Variants in STKLD1 observed in about 807,000 individuals in gnomAD.
STKLD1 encodes serine/threonine kinase like domain containing 1.
A neutral mutation model predicts 80.4 loss-of-function variants in STKLD1; 79 were observed. The ratio of observed to expected loss-of-function variants is 0.98; its 90% CI spans 0.82 to 1.19. The LOEUF (loss-of-function observed/expected upper bound fraction) is 1.19, where lower values mean the gene tolerates loss of function less well. STKLD1 is among the 50% of genes most tolerant of loss of function. The pLI is 0.00. For missense variants in STKLD1, 841 were observed against 856.0 expected, an observed-to-expected ratio of 0.98 and a Z score of 0.22; for synonymous variants, 393 against 357.6, an observed-to-expected ratio of 1.10 and a Z score of -1.12.
At chr9:133,392,944 A>G (rs1383031146) in intron 7 of STKLD1, among the ~76,000 whole-genome samples, 14 of 114,670 alleles carry the variant, frequency 1.2e-4, no homozygotes, top group South Asian at 3.3e-4. Context: ...GGATGGATAG[A>G]TGGGTGGATG....
chr9:133,404,690 GC>G, intron 16 of STKLD1, 98 bp from the exon 17 acceptor site: 2 of 1,499,100 alleles, frequency 1.3e-6, no homozygotes, highest in Non-Finnish European at 1.8e-6. Context: ...CCTGTCCCAG[GC>G]CCCTGTGTGA....
At chr9:133,404,984 C>T (rs1041783075) in intron 17 of STKLD1, 55 bp downstream of exon 17, 11 of 1,588,932 alleles carry the variant, frequency 6.9e-6, no homozygotes, top group African/African-American at 4.1e-5. Context: ...AGGGGTGCCC[C>T]GCTCCCCCTA....
chr9:133,379,481 G>T (rs1231996511), intron 2 of STKLD1, among the ~76,000 whole-genome samples: 2 of 152,238 alleles, frequency 1.3e-5, no homozygotes, highest in South Asian at 2.1e-4. Flanking sequence ...ACTAGGCAAG[G>T]TCACACAATT....
chr9:133,392,344 G>A lies in STKLD1; in HGVS notation c.583+1548G>A, dbSNP rs369334573. Among the ~76,000 whole-genome samples, 50 of 152,098 alleles carry A rather than the reference G, an allele frequency of 3.3e-4. No homozygotes were observed. In the South Asian group the frequency reaches 9.5e-3, roughly 29 times the overall value. On this transcript the variant is annotated intron_variant, in intron 7 of 17. Coordinates refer to ENST00000371957, the MANE Select transcript of STKLD1 (RefSeq NM_153710.5). Reference sequence around the variant, plus strand: ...GGCCTCCCAAAGTGCTGGGATTACAGGCGTGAACCACCGCACCCGGCCACA... The same window carrying A: ...GGCCTCCCAAAGTGCTGGGATTACAAGCGTGAACCACCGCACCCGGCCACA...
Position 133,397,247 on chromosome 9 carries a change from C to A in STKLD1, c.950C>A (p.Ala317Glu), listed in dbSNP as rs377178189. ...SLTLHRQMVP[A>E]SITDMLLEGN... ...ACCCTGCACCGGCAGATGGTGCCTG[C>A]GTCCATCACCGACATGCTGTTAGAA... The change falls in exon 10 of 18, where the codon GCG (alanine) becomes GAG (glutamate). Residue 317 changes from alanine to glutamate, a missense_variant. Ala to Glu is a moderately radical substitution (Grantham distance 107). Coordinates refer to ENST00000371957, the MANE Select transcript of STKLD1 (RefSeq NM_153710.5). 1 of 1,613,726 alleles carries A rather than the reference C, an allele frequency of 6.2e-7. No individual in the cohort carries two copies. The highest frequency in any genetic ancestry group is 2.2e-5 in the East Asian group (1 of 44,880).
intron 12 of STKLD1, 43 bp from the exon 13 acceptor site, chr9:133,401,695 A>C: frequency 6.3e-7 from 1 of 1,590,096 alleles, no homozygotes; most frequent in Non-Finnish European, 8.5e-7. Context: ...CCCATGCCTG[A>C]GCTGTGGGGC....
chr9:133,385,713 C>A lies in STKLD1; in HGVS notation c.294+22C>A, dbSNP rs2130275331. 1 of 1,608,764 alleles carries A rather than the reference C, an allele frequency of 6.2e-7. No homozygotes were observed. The highest frequency in any genetic ancestry group is 1.7e-5 in the Admixed American group (1 of 59,980). ...GGAGGTGGGTCAGAGCTGACACCTA[C>A]GGGCTCAGCCGCCACGCAGTGGGCT... is the stretch of plus-strand genomic sequence containing the variant. On this transcript the variant is annotated intron_variant, in intron 4 of 17. Transcript: ENST00000371957. The surrounding 1 kb of genome is among the most constrained non-coding windows in gnomAD (Gnocchi z 4.9).
rs1554778519 is a variant in STKLD1 at position 133,405,324 on chromosome 9, C to A, written c.1946C>A (p.Ser649Tyr). ...LLQEIKERFT[S>Y]SLVSDSSAFS... is the part of the protein sequence containing the mutation. ...CAGGAGATCAAGGAGCGCTTCACCTCCAGCCTGGTGAGTGACAGCAGCGCC... is the reference window on the plus strand; with the variant it reads ...CAGGAGATCAAGGAGCGCTTCACCTACAGCCTGGTGAGTGACAGCAGCGCC... Residue 649 changes from serine (S) to tyrosine (Y), a missense_variant, in exon 18 of 18, where the codon TCC becomes TAC. Ser to Tyr is a moderately radical substitution (Grantham distance 144). Coordinates refer to ENST00000371957, the MANE Select transcript of STKLD1 (RefSeq NM_153710.5). The A allele has an allele frequency of 6.2e-7, 1 of 1,612,862 alleles. No individual in the cohort carries two copies. Among genetic ancestry groups the A allele is most frequent in the African/African-American group, 1.3e-5 (1 of 74,918 alleles).
rs1195324552 is a variant in STKLD1 at position 133,390,016 on chromosome 9, A to C, written c.467+420A>C. ...GGCTGGGAGATGGCTCCAATTCTGA[A>C]CACCAATATCTTATTTAAAGAGGAA... On this transcript the variant is annotated intron_variant, in intron 6 of 17. Transcript: ENST00000371957. This position sits in a 1 kb window ranked among gnomAD's most constrained non-coding sequence, Gnocchi z 5.1. Among the ~76,000 whole-genome samples the C allele has an allele frequency of 6.6e-6, 1 of 152,152 alleles. No homozygotes were observed. The highest frequency in any genetic ancestry group is 2.4e-5 in the African/African-American group (1 of 41,426).
rs891086392 is a variant in STKLD1, at chr9:133,394,475, G to C, written c.702+66G>C. ...CCACGCGCCCAGGCCTGGGGAAAAG[G>C]CTTGGCCTCACCCTGCCTCCCCTCT... is the stretch of plus-strand genomic sequence containing the variant. On this transcript the variant is annotated intron_variant, in intron 8 of 17. Coordinates refer to ENST00000371957, the MANE Select transcript of STKLD1 (RefSeq NM_153710.5). This position sits in a 1 kb window ranked among gnomAD's most constrained non-coding sequence, Gnocchi z 4.9. The C allele has an allele frequency of 3.3e-6, 4 of 1,216,634 alleles. No homozygotes were observed. Among genetic ancestry groups the C allele is most frequent in the Admixed American group, 3.4e-5 (2 of 59,222 alleles). 75.4% of individuals were successfully genotyped at this position (1,216,634 alleles called of 1,614,324 possible).
At chr9:133,399,675 C>G (rs940875191) in intron 11 of STKLD1, among the ~76,000 whole-genome samples, 3 of 152,286 alleles carry the variant, frequency 2.0e-5, no homozygotes, top group Admixed American at 2.0e-4. Flanking sequence ...ATCAGGAGTT[C>G]AAGACCAGCC....
chr9:133,386,563 C>T (rs1838269240), intron 4 of STKLD1, among the ~76,000 whole-genome samples: 1 of 152,248 alleles, frequency 6.6e-6, no homozygotes, highest in Admixed American at 6.5e-5. Flanking sequence ...GCAGGAAGTA[C>T]TGTCCCTGTG....
rs1554776458 is a variant in STKLD1, at chr9:133,394,626, T to C, written c.702+217T>C. On this transcript the variant is annotated intron_variant, in intron 8 of 17. Coordinates refer to ENST00000371957, the MANE Select transcript of STKLD1 (RefSeq NM_153710.5). This position sits in a 1 kb window ranked among gnomAD's most constrained non-coding sequence, Gnocchi z 4.9. ...GGCTCTAGCAGGATAATGACAGCAG[T>C]GGTAATATTCAGACCATCCCACGCG... 6.6e-6 allele frequency among the ~76,000 whole-genome samples: 1 copy of C among 152,120 alleles called. No individual in the cohort carries two copies. Among genetic ancestry groups the C allele is most frequent in the Non-Finnish European group, 1.5e-5 (1 of 68,006 alleles).
chr9:133,392,270 C>G (rs959282333), intron 7 of STKLD1, among the ~76,000 whole-genome samples: 2 of 151,788 alleles, frequency 1.3e-5, no homozygotes, highest in Non-Finnish European at 2.9e-5. Flanking sequence ...TAGTAGAGAC[C>G]GGGTTTCACC....
intron 1 of STKLD1, 81 bp from the exon 2 acceptor site, chr9:133,378,955 A>C (rs1455965536): frequency 1.6e-6 from 2 of 1,285,522 alleles, no homozygotes; most frequent in East Asian, 4.8e-5. Flanking sequence ...TAGCAGGGCC[A>C]GAAAAGGAGT....
Position 133,401,789 on chromosome 9 carries a change from C to G in STKLD1, c.1250C>G (p.Ser417Cys), listed in dbSNP as rs782292872. 6.2e-7 allele frequency: 1 copy of G among 1,613,562 alleles called. No homozygotes were observed. Among genetic ancestry groups the G allele is most frequent in the Non-Finnish European group, 8.5e-7 (1 of 1,180,026 alleles). Reference sequence around the variant, plus strand: ...GCTCCCTGCAACCAAGCCATCACCTCCACCCTGCTGAGTGCTCTTCAGAGC... The same window carrying G: ...GCTCCCTGCAACCAAGCCATCACCTGCACCCTGCTGAGTGCTCTTCAGAGC... ...AKAPCNQAIT[S>C]TLLSALQSHP... The change falls in exon 13 of 18, where the codon TCC becomes TGC. Residue 417 changes from serine (S) to cysteine (C), a missense_variant. Transcript: ENST00000371957.
intron 8 of STKLD1, 78 bp from the exon 9 acceptor site, chr9:133,395,522 T>C (rs587642755): frequency 2.7e-6 from 4 of 1,490,334 alleles, no homozygotes; most frequent in East Asian, 4.6e-5. Flanking sequence ...TCTTGGTCCC[T>C]GGTCGTCCCC....
intron 1 of STKLD1, among the ~76,000 whole-genome samples, chr9:133,377,002 A>G (rs886335737): frequency 2.0e-5 from 3 of 152,218 alleles, no homozygotes; most frequent in East Asian, 3.8e-4. Flanking sequence ...ATAAAAGTAA[A>G]TGTTTAATTA....
Position 133,402,893 on chromosome 9 carries a change from CAG to C in STKLD1, c.1358_1359del (p.Glu453GlyfsTer90). The C allele has an allele frequency of 6.3e-7, 1 of 1,595,252 alleles. No individual in the cohort carries two copies. Among genetic ancestry groups the C allele is most frequent in the South Asian group, 1.1e-5 (1 of 87,676 alleles). ...TCACCCACAGAGTCAGAGTCACTGTCAGAGGAGCTGCAGAATGCTGGGCTGCT... is the reference window on the plus strand; with the variant it reads ...TCACCCACAGAGTCAGAGTCACTGTCAGGAGCTGCAGAATGCTGGGCTGCT... On this transcript the variant is annotated frameshift_variant, in exon 14 of 18. Transcript: ENST00000371957. LOFTEE classifies it high-confidence loss of function.
Sources: gnomAD v4.1 joint callset for allele counts (sites outside exome capture counted in the v4.1 genomes callset) on GRCh38, gnomAD v4.1.1 for gene constraint, Gnocchi (gnomAD v3.1) non-coding constraint, MANE v1.5 for transcripts, NCBI Gene and HGNC (gene_info 2026-07-23, HGNC 2026-07-21) for gene names.